SLC7A2: variants seen among roughly 807,000 people sequenced by gnomAD.
SLC7A2 encodes solute carrier family 7 member 2.
Under a neutral mutation model 58.9 loss-of-function variants are expected in SLC7A2, and 48 were observed. The observed-to-expected ratio is 0.82, with a 90% CI of 0.65 to 1.04. The LOEUF (loss-of-function observed/expected upper bound fraction) is 1.04. Among genes scored for constraint, SLC7A2 ranks in the 50% least tolerant of loss-of-function variants. The pLI is 0.00. For synonymous variants in SLC7A2, 363 were observed against 314.5 expected, an observed-to-expected ratio of 1.15 and a Z score of -1.63; for missense variants, 1,029 against 818.8, an observed-to-expected ratio of 1.26 and a Z score of -3.13.
chr8:17,495,574 G>A (rs137921724), upstream of SLC7A2, among the ~76,000 whole-genome samples: 1 of 152,240 alleles, frequency 6.6e-6, no homozygotes, highest in African/African-American at 2.4e-5. Flanking sequence ...TTTTGAGACG[G>A]AATCTCACTC....
chr8:17,543,360 G>A lies in SLC7A2; in HGVS notation c.21G>A (p.Ala7=), dbSNP rs188425748. 20 of 1,613,944 alleles carry A rather than the reference G, an allele frequency of 1.2e-5. No homozygotes were observed. Among genetic ancestry groups the A allele is most frequent in the South Asian group, 5.5e-5 (5 of 91,046 alleles). ...TCAGAATGATTCCTTGCAGAGCCGCGCTGACCTTTGCCCGATGTCTGATCC... is the reference window on the plus strand; with the variant it reads ...TCAGAATGATTCCTTGCAGAGCCGCACTGACCTTTGCCCGATGTCTGATCC... MIPCRA[A]LTFARCLIRR... The change falls in exon 3 of 13, where the codon GCG becomes GCA. Residue 7 remains alanine, a synonymous_variant. Coordinates refer to ENST00000494857, the MANE Select transcript of SLC7A2 (RefSeq NM_001370338.1).
intron 2 of SLC7A2, among the ~76,000 whole-genome samples, chr8:17,514,807 T>C (rs1800738574): frequency 6.6e-6 from 1 of 152,228 alleles, no homozygotes; most frequent in East Asian, 1.9e-4. Flanking sequence ...ATAGCAGTAA[T>C]GAGCATAAAG....
chr8:17,554,525 GT>G, intron 7 of SLC7A2, 34 bp from the exon 8 acceptor site: 1 of 1,518,578 alleles, frequency 6.6e-7, no homozygotes. Context: ...TTGCATGAAT[GT>G]TTGCCATACT....
chr8:17,561,233 C>A (rs569022806), intron 10 of SLC7A2, among the ~76,000 whole-genome samples: 1 of 152,080 alleles, frequency 6.6e-6, no homozygotes, highest in South Asian at 2.1e-4. Context: ...AAGACATACC[C>A]AAGACTGGGT....
chr8:17,560,310 A>G lies in SLC7A2; in HGVS notation c.1299-18A>G, dbSNP rs761620738. ...TGTCTATTTGAGAATAAAGACATAG[A>G]TGTTTGTTTGGAAATAGGTACCAGC... On this transcript the variant is annotated intron_variant, in intron 9 of 12. Coordinates refer to ENST00000494857, the MANE Select transcript of SLC7A2 (RefSeq NM_001370338.1). 12 of 1,598,018 alleles carry G rather than the reference A, an allele frequency of 7.5e-6. No homozygotes were observed. The highest frequency in any genetic ancestry group is 3.3e-5 in the Admixed American group (2 of 59,962).
chr8:17,507,151 T>C lies in SLC7A2; in HGVS notation c.-23+4849T>C, dbSNP rs1371958927. Among the ~76,000 whole-genome samples the C allele has an allele frequency of 2.0e-5, 3 of 152,024 alleles. No homozygotes were observed. In the East Asian group the frequency reaches 5.8e-4, roughly 29 times the overall value. The stretch of plus-strand genomic sequence containing the variant: ...TAGTAGAGATGGGGTTTTACTATGT[T>C]GGCCAGGATGGTCTTGATCTGCTGA... On this transcript the variant is annotated intron_variant, in intron 2 of 12. Transcript: ENST00000494857.
chr8:17,544,690 G>T (rs1435554934), intron 4 of SLC7A2, 84 bp downstream of exon 4: 3 of 1,170,970 alleles, frequency 2.6e-6, no homozygotes, highest in African/African-American at 3.0e-5. Context: ...TTTGGGGCCT[G>T]AGTTCCCAAG....
intron 8 of SLC7A2, among the ~76,000 whole-genome samples, chr8:17,557,329 C>T (rs1802753744): frequency 6.6e-6 from 1 of 151,970 alleles, no homozygotes; most frequent in Non-Finnish European, 1.5e-5. Flanking sequence ...AAAACAGTTG[C>T]TTAGTGGAAG....
upstream of SLC7A2, among the ~76,000 whole-genome samples, chr8:17,494,677 G>A (rs918407245): frequency 2.4e-4 from 36 of 152,072 alleles, no homozygotes; most frequent in African/African-American, 8.5e-4. Context: ...TACTAAATCC[G>A]TGGGCATCCT....
intron 2 of SLC7A2, among the ~76,000 whole-genome samples, chr8:17,534,709 AAAAAC>A: frequency 6.6e-6 from 1 of 151,900 alleles, no homozygotes; most frequent in Admixed American, 6.6e-5. Flanking sequence ...AAAAAAAAAA[AAAAAC>A]AAGACAAAAC....
At chr8:17,544,868 T>C (rs913285274) in intron 4 of SLC7A2, among the ~76,000 whole-genome samples, 34 of 152,200 alleles carry the variant, frequency 2.2e-4, no homozygotes, top group Non-Finnish European at 4.0e-4. Flanking sequence ...AGGACATTGA[T>C]TTTTTAAATC....
rs775959962 is a variant in SLC7A2, at chr8:17,555,075, C to G, written c.1195+376C>G. 3.7e-6 allele frequency: 6 copies of G among 1,613,492 alleles called. No individual in the cohort carries two copies. The Admixed American group carries it at 1.0e-4, about 27-fold the overall frequency. ...TTGCTGCCACGTTGACTGCAGGGGT[C>G]ATTTCTGGTAAGCTTTACAAACTTA... On this transcript the variant is annotated intron_variant, in intron 8 of 12. Coordinates refer to ENST00000494857, the MANE Select transcript of SLC7A2 (RefSeq NM_001370338.1).
At chr8:17,542,752 G>A (rs1014935876) in intron 2 of SLC7A2, among the ~76,000 whole-genome samples, 5 of 152,120 alleles carry the variant, frequency 3.3e-5, no homozygotes, top group African/African-American at 4.8e-5. Flanking sequence ...TAGTGAGAAT[G>A]AAATTAGCCA....
intron 2 of SLC7A2, among the ~76,000 whole-genome samples, chr8:17,512,673 T>C (rs183878575): frequency 1.3e-5 from 2 of 152,276 alleles, no homozygotes; most frequent in East Asian, 1.9e-4. Flanking sequence ...ACACAAAATT[T>C]ACCATCTTAG....
chr8:17,543,087 A>T (rs1478638131), intron 2 of SLC7A2, among the ~76,000 whole-genome samples: 3 of 152,200 alleles, frequency 2.0e-5, no homozygotes, highest in Admixed American at 2.0e-4. Context: ...TTATAAGGGG[A>T]CGTGTATGCT....
chr8:17,519,380 A>G (rs1189949302), intron 2 of SLC7A2, among the ~76,000 whole-genome samples: 1 of 152,218 alleles, frequency 6.6e-6, no homozygotes, highest in African/African-American at 2.4e-5. Flanking sequence ...GTCTCATTCC[A>G]GGAACTTATC....
intron 7 of SLC7A2, 95 bp from the exon 8 acceptor site, chr8:17,554,465 G>A (rs1408054356): frequency 1.0e-5 from 10 of 1,003,402 alleles, no homozygotes; most frequent in Admixed American, 5.5e-5. Flanking sequence ...AATTACAACT[G>A]TCATGCTGAA....
intron 2 of SLC7A2, among the ~76,000 whole-genome samples, chr8:17,539,907 A>G (rs1801837107): frequency 6.6e-6 from 1 of 152,164 alleles, no homozygotes. Context: ...AATGAGAGTA[A>G]GATGGTCATA....
At chr8:17,498,711 A>G (rs1473939552) in intron 1 of SLC7A2, 1 of 152,184 alleles carries the variant, frequency 6.6e-6, no homozygotes, top group African/African-American at 2.4e-5. Context: ...AGGGTGTGCC[A>G]TGGCCTTGGA....
Sources: allele counts gnomAD v4.1 joint callset (sites outside exome capture counted in the v4.1 genomes callset), GRCh38; gene constraint gnomAD v4.1.1; transcripts MANE v1.5; gene names NCBI Gene and HGNC (gene_info 2026-07-23, HGNC 2026-07-21).